Variants in AGBL1 observed in about 807,000 individuals in gnomAD.
AGBL1 encodes the protein cytosolic carboxypeptidase 4.
A neutral mutation model predicts 118.9 loss-of-function variants in AGBL1; 130 were observed. That is an observed-to-expected ratio of 1.09 (90% CI 0.95 to 1.26). The LOEUF (loss-of-function observed/expected upper bound fraction) is 1.26, where lower values mean the gene tolerates loss of function less well. Among genes scored for constraint, AGBL1 ranks in the 50% most tolerant of loss-of-function variants. AGBL1 has a pLI of 0.00. For synonymous variants in AGBL1, 555 were observed against 478.9 expected, an observed-to-expected ratio of 1.16 and a Z score of -2.08; for missense variants, 1,584 against 1,298.1, an observed-to-expected ratio of 1.22 and a Z score of -3.38.
At chr15:86,821,952 G>T (rs1001024943) in intron 22 of AGBL1, among the ~76,000 whole-genome samples, 1 of 152,050 alleles carries the variant, frequency 6.6e-6, no homozygotes, top group African/African-American at 2.4e-5. Flanking sequence ...CCTCATACCT[G>T]TGCTGGTCAC....
intron 18 of AGBL1, among the ~76,000 whole-genome samples, chr15:86,409,187 C>T (rs539349641): frequency 4.1e-4 from 63 of 152,212 alleles, no homozygotes; most frequent in Middle Eastern, 3.4e-3. Context: ...TGGAGAGACC[C>T]ATGAAGAACA....
chr15:86,267,141 T>C, intron 13 of AGBL1, 65 bp downstream of exon 13: 1 of 1,129,506 alleles, frequency 8.9e-7, no homozygotes, highest in Non-Finnish European at 1.3e-6. Context: ...TGACTATCTC[T>C]TCCCCATGCT....
At chr15:86,776,888 T>A (rs1567168881) in intron 22 of AGBL1, among the ~76,000 whole-genome samples, 1 of 151,958 alleles carries the variant, frequency 6.6e-6, no homozygotes, top group Non-Finnish European at 1.5e-5. Context: ...TTGCTAGTTT[T>A]ACTTAATATG....
intron 23 of AGBL1, among the ~76,000 whole-genome samples, chr15:86,940,824 G>A (rs1308004092): frequency 6.6e-6 from 1 of 152,086 alleles, no homozygotes; most frequent in East Asian, 1.9e-4. Context: ...CTATTGTTTT[G>A]TTTCTGTTTT....
At chr15:86,306,632 T>C (rs1324564418) in intron 17 of AGBL1, among the ~76,000 whole-genome samples, 1 of 152,136 alleles carries the variant, frequency 6.6e-6, no homozygotes, top group Non-Finnish European at 1.5e-5. Context: ...AACATAGGAG[T>C]GCAAATATCT....
intron 5 of AGBL1, among the ~76,000 whole-genome samples, chr15:86,161,502 T>A (rs965430053): frequency 7.9e-5 from 12 of 152,216 alleles, no homozygotes; most frequent in African/African-American, 2.9e-4. Context: ...GAGCCTCAGC[T>A]CTTAAGCCAC....
chr15:86,546,409 C>A (rs2083583355), intron 20 of AGBL1, among the ~76,000 whole-genome samples: 1 of 152,058 alleles, frequency 6.6e-6, no homozygotes, highest in Non-Finnish European at 1.5e-5. Context: ...AGACAGAAGA[C>A]CTCATCTTAA....
intron 3 of AGBL1, among the ~76,000 whole-genome samples, chr15:86,153,109 C>A (rs886709680): frequency 1.3e-5 from 2 of 152,166 alleles, no homozygotes; most frequent in Non-Finnish European, 2.9e-5. Context: ...GTGGTGACTC[C>A]TCAAGGATCT....
intron 18 of AGBL1, among the ~76,000 whole-genome samples, chr15:86,424,651 C>G (rs972949187): frequency 3.3e-5 from 5 of 152,264 alleles, no homozygotes; most frequent in Middle Eastern, 3.4e-3. Context: ...TGACAAAGGG[C>G]TAGTATCCAG....
At chr15:86,433,897 T>G (rs749758885) in intron 18 of AGBL1, among the ~76,000 whole-genome samples, 1 of 152,212 alleles carries the variant, frequency 6.6e-6, no homozygotes, top group African/African-American at 2.4e-5. Context: ...TGTGGCCTTT[T>G]CCTCTAAGAG....
At chr15:86,721,737 G>A (rs1162520048) in intron 22 of AGBL1, among the ~76,000 whole-genome samples, 7 of 152,204 alleles carry the variant, frequency 4.6e-5, no homozygotes, top group Non-Finnish European at 7.3e-5. Flanking sequence ...CAGATGACAT[G>A]ATTGTATATC....
chr15:86,136,577 A>T (rs74435249), intron 1 of AGBL1, among the ~76,000 whole-genome samples: 1,882 of 152,296 alleles, frequency 0.012, 20 homozygotes, highest in East Asian at 0.05. Context: ...ATATGCTACA[A>T]AGAGTGGGGA....
intron 22 of AGBL1, among the ~76,000 whole-genome samples, chr15:86,799,749 A>T (rs2078624037): frequency 6.6e-6 from 1 of 152,160 alleles, no homozygotes; most frequent in South Asian, 2.1e-4. Flanking sequence ...AGCCATTTTG[A>T]AATTGTTAGC....
chr15:86,585,461 A>C lies in AGBL1; in HGVS notation c.2994+30924A>C, dbSNP rs142108636. Among the ~76,000 whole-genome samples the C allele has an allele frequency of 1.7e-3, 261 of 152,240 alleles. 2 individuals are homozygous for C. The highest frequency in any genetic ancestry group is 5.8e-3 in the African/African-American group (240 of 41,526). The stretch of plus-strand genomic sequence containing the variant: ...CAGGCTGGAGTGCAGTGGTGTGATA[A>C]TAGCTTATTATAAGCTTGAACTCCC... On this transcript the variant is annotated intron_variant, in intron 21 of 22. Transcript: ENST00000614907.
intron 5 of AGBL1, among the ~76,000 whole-genome samples, chr15:86,179,822 A>T (rs983053028): frequency 1.3e-5 from 2 of 152,308 alleles, no homozygotes; most frequent in African/African-American, 4.8e-5. Flanking sequence ...AAAAAATTAC[A>T]AGAACTAATA....
chr15:86,306,538 C>G (rs1477102931), intron 17 of AGBL1, among the ~76,000 whole-genome samples: 1 of 152,026 alleles, frequency 6.6e-6, no homozygotes, highest in Non-Finnish European at 1.5e-5. Context: ...GTATATGTAA[C>G]CACGTTTTCT....
At chr15:86,826,762 G>T (rs1169494467) in intron 22 of AGBL1, among the ~76,000 whole-genome samples, 4 of 152,128 alleles carry the variant, frequency 2.6e-5, no homozygotes, top group Non-Finnish European at 4.4e-5. Context: ...TCAGTGGTGG[G>T]TGTCCTCTGT....
intron 19 of AGBL1, among the ~76,000 whole-genome samples, chr15:86,534,112 TAAAAAAAAA>T (rs61563504): frequency 2.1e-5 from 2 of 96,520 alleles, no homozygotes; most frequent in Non-Finnish European, 2.1e-5. Flanking sequence ...TAAAGTATAA[TAAAAAAAAA>T]AAAAAAAAAA....
intron 22 of AGBL1, among the ~76,000 whole-genome samples, chr15:86,827,161 T>C (rs976747887): frequency 6.0e-5 from 9 of 149,162 alleles, no homozygotes; most frequent in African/African-American, 2.0e-4. Flanking sequence ...AGATAGATGT[T>C]CTAAGCTGAC....
Sources: allele counts gnomAD v4.1 joint callset (sites outside exome capture counted in the v4.1 genomes callset), GRCh38; gene constraint gnomAD v4.1.1; transcripts MANE v1.5; gene names NCBI Gene and HGNC (gene_info 2026-07-23, HGNC 2026-07-21).